Variants in CUL4A observed in about 807,000 individuals in gnomAD.
CUL4A encodes the protein cullin 4A, also known as cullin-4A.
A neutral mutation model predicts 95.5 loss-of-function variants in CUL4A; 16 were observed. The observed-to-expected ratio is 0.17, with a 90% CI of 0.11 to 0.25. The LOEUF is 0.25. Among genes scored for constraint, CUL4A ranks in the 10% least tolerant of loss-of-function variants. The pLI is 1.00. For synonymous variants in CUL4A, 380 were observed against 353.1 expected, an observed-to-expected ratio of 1.08 and a Z score of -0.85; for missense variants, 610 against 937.0, an observed-to-expected ratio of 0.65 and a Z score of 4.56.
intron 5 of CUL4A, chr13:113,230,015 C>T (rs947350888): frequency 1.5e-4 from 37 of 245,548 alleles, no homozygotes; most frequent in East Asian, 1.1e-3. Flanking sequence ...GCAGCGTTCG[C>T]GGCCACGGAC....
intron 12 of CUL4A, 22 bp from the exon 13 acceptor site, chr13:113,244,927 A>G: frequency 6.9e-7 from 1 of 1,444,212 alleles, no homozygotes; most frequent in Non-Finnish European, 9.7e-7. Flanking sequence ...TGTCTTGATT[A>G]TTCTCGTCTG....
At position 113,209,978 on chromosome 13, in the gene CUL4A, C is replaced by G; in HGVS notation, c.154C>G (p.Pro52Ala). ...GCTCTCCCTCCGCCCTGCAGACAGA[C>G]CTCGGCTGCCCGACAACTACACGCA... ...KLVIKNFRDR[P>A]RLPDNYTQDT... The change falls in exon 2 of 20, where the codon CCT becomes GCT. Residue 52 changes from proline (P) to alanine (A), a missense_variant. Around this residue, in one of 10 missense-constraint regions of CUL4A, gnomAD observed 168 missense variants for 185.5 expected, o/e 0.91. Transcript: ENST00000375440. 2 of 1,511,842 alleles carry G rather than the reference C, an allele frequency of 1.3e-6. No individual in the cohort carries two copies. The highest frequency in any genetic ancestry group is 1.8e-6 in the Non-Finnish European group (2 of 1,131,102). The allele number at this position is 1,511,842 out of a possible 1,614,324, so 93.7% of individuals were successfully genotyped here.
At chr13:113,242,272 A>C (rs529257429) in intron 10 of CUL4A, among the ~76,000 whole-genome samples, 183 of 152,244 alleles carry the variant, frequency 1.2e-3, no homozygotes, top group African/African-American at 4.2e-3. Flanking sequence ...TCAAAACAAA[A>C]AAAAAAAAGT....
intron 3 of CUL4A, among the ~76,000 whole-genome samples, chr13:113,227,004 G>A (rs1369804111): frequency 1.3e-5 from 2 of 152,190 alleles, no homozygotes; most frequent in African/African-American, 2.4e-5. Flanking sequence ...AGGCCTGGGT[G>A]TGTTTCTGCC....
At chr13:113,223,632 G>A (rs1397384983) in intron 3 of CUL4A, among the ~76,000 whole-genome samples, 1 of 152,172 alleles carries the variant, frequency 6.6e-6, no homozygotes, top group African/African-American at 2.4e-5. Flanking sequence ...TGCGATCTTG[G>A]ATTATCTGCC....
At position 113,210,598 on chromosome 13, in the gene CUL4A, A is replaced by G. The variant is rs3814263; in HGVS notation, c.264+510A>G. Among the ~76,000 whole-genome samples, 2,417 of 152,372 alleles carry G rather than the reference A, an allele frequency of 0.016. 164 individuals are homozygous for G. The East Asian group carries it at 0.21, about 13-fold the overall frequency. ...AAGGTATTCAAACAGATTTGGTAGC[A>G]TTTAATTCAAAGTGATGGTGTTCCG... On this transcript the variant is annotated intron_variant, in intron 2 of 19. Coordinates refer to ENST00000375440, the MANE Select transcript of CUL4A (RefSeq NM_001008895.4).
intron 18 of CUL4A, among the ~76,000 whole-genome samples, chr13:113,257,335 A>T (rs979434596): frequency 6.6e-6 from 1 of 152,146 alleles, no homozygotes; most frequent in African/African-American, 2.4e-5. Context: ...TTTCTGACTT[A>T]ACGTGTAATG....
upstream of CUL4A, chr13:113,208,909 G>T: frequency 4.4e-6 from 6 of 1,379,048 alleles, no homozygotes; most frequent in Non-Finnish European, 5.6e-6. Flanking sequence ...TTGGGGTCCA[G>T]TGGCGAGGAC....
chr13:113,232,050 C>CGCCCACCACTATTACTGTCACCACTACCT (rs2041340110), intron 5 of CUL4A, among the ~76,000 whole-genome samples: 1 of 84,654 alleles, frequency 1.2e-5, no homozygotes, highest in Non-Finnish European at 2.5e-5. Flanking sequence ...CACCACTACC[C>CGCCCACCACTATTACTGTCACCACTACCT]GCCCACCACC....
Position 113,263,470 on chromosome 13 carries a change from T to G in CUL4A, c.2185-17T>G. ...TAATGCCATTGTAATTAGGGGGGTT[T>G]TATTCTTCTTTTTTAGCCTGGAGAT... On this transcript the variant is annotated splice_polypyrimidine_tract_variant and intron_variant, in intron 19 of 19. Transcript: ENST00000375440. 1 of 1,554,592 alleles carries G rather than the reference T, an allele frequency of 6.4e-7. No homozygotes were observed. Among genetic ancestry groups the G allele is most frequent in the Non-Finnish European group, 8.8e-7 (1 of 1,135,714 alleles).
intron 5 of CUL4A, among the ~76,000 whole-genome samples, chr13:113,231,412 C>G (rs546478045): frequency 6.6e-6 from 1 of 152,082 alleles, no homozygotes; most frequent in South Asian, 2.1e-4. Flanking sequence ...ATGGCTAGGA[C>G]GGCAGCATGA....
intron 16 of CUL4A, among the ~76,000 whole-genome samples, chr13:113,254,321 G>A (rs1375937625): frequency 6.6e-6 from 1 of 152,164 alleles, no homozygotes; most frequent in East Asian, 1.9e-4. Flanking sequence ...AGTCAGTCCC[G>A]TATAAAAGAA....
At chr13:113,227,630 T>G (rs9549702) in intron 3 of CUL4A, among the ~76,000 whole-genome samples, 36,983 of 152,186 alleles carry the variant, frequency 0.24, 5,214 homozygotes, top group East Asian at 0.55. Flanking sequence ...TAATGGCCGG[T>G]TGCGGTGGCT....
intron 16 of CUL4A, among the ~76,000 whole-genome samples, chr13:113,254,418 G>T (rs935864637): frequency 5.3e-5 from 8 of 152,106 alleles, no homozygotes; most frequent in Non-Finnish European, 1.2e-4. Context: ...CTAACACAGT[G>T]GAACTCCATC....
intron 8 of CUL4A, among the ~76,000 whole-genome samples, chr13:113,235,982 A>AG (rs2139201909): frequency 6.6e-6 from 1 of 152,106 alleles, no homozygotes; most frequent in East Asian, 1.9e-4. Flanking sequence ...AAAAAAAAAA[A>AG]AAAAGAAAAT....
intron 5 of CUL4A, among the ~76,000 whole-genome samples, chr13:113,231,803 A>C (rs1406333004): frequency 6.6e-6 from 1 of 152,170 alleles, no homozygotes; most frequent in Non-Finnish European, 1.5e-5. Context: ...AGTGCACAGA[A>C]GACCTGGTGT....
At chr13:113,254,875 T>C (rs920133629) in intron 17 of CUL4A, 77 bp downstream of exon 17, 29 of 1,591,762 alleles carry the variant, frequency 1.8e-5, no homozygotes, top group Non-Finnish European at 2.4e-5. Context: ...GACATAGACT[T>C]GGTAGCATGA....
chr13:113,227,923 G>T, intron 3 of CUL4A, 53 bp from the exon 4 acceptor site: 6 of 1,044,326 alleles, frequency 5.7e-6, no homozygotes, highest in African/African-American at 1.6e-5. Flanking sequence ...AAAAAAAAAA[G>T]GTAATAATTA....
Position 113,242,977 on chromosome 13 carries a change from A to T in CUL4A, c.1045A>T (p.Thr349Ser). The T allele has an allele frequency of 6.2e-7, 1 of 1,603,764 alleles. No individual in the cohort carries two copies. Among genetic ancestry groups the T allele is most frequent in the African/African-American group, 1.3e-5 (1 of 74,852 alleles). Residue 349 changes from threonine to serine, a missense_variant, in exon 11 of 20, where the codon ACA (threonine) becomes TCA (serine). Transcript: ENST00000375440. ...TGATTTGCTTTTGTAGACTTTTGGA[A>T]CAGCGATCGTAATCAATCCTGAGAA... Reference protein sequence around the residue: ...HWSEYIKTFGTAIVINPEKDK... With the variant: ...HWSEYIKTFGSAIVINPEKDK...
Sources: gnomAD v4.1 joint callset for allele counts (sites outside exome capture counted in the v4.1 genomes callset) on GRCh38, gnomAD v4.1.1 for gene constraint, gnomAD v4.1.1 regional missense constraint, MANE v1.5 for transcripts, NCBI Gene and HGNC (gene_info 2026-07-23, HGNC 2026-07-21) for gene names.